The following FAM162A variants were observed in gnomAD, a reference collection of about 807,000 sequenced individuals.
The protein encoded by FAM162A is family with sequence similarity 162 member A.
Under a neutral mutation model 21.8 loss-of-function variants are expected in FAM162A, and 23 were observed. That is an observed-to-expected ratio of 1.05 (90% CI 0.76 to 1.49). The LOEUF (loss-of-function observed/expected upper bound fraction) is 1.49. FAM162A is among the 40% of genes most tolerant of loss of function. FAM162A has a pLI of 0.00. For missense variants in FAM162A, 165 were observed against 186.4 expected (o/e 0.89, Z 0.67); for synonymous variants, 53 against 61.3 (o/e 0.86, Z 0.64).
intron 1 of FAM162A, among the ~76,000 whole-genome samples, chr3:122,400,787 A>G (rs977737907): frequency 2.0e-5 from 3 of 152,052 alleles, no homozygotes; most frequent in Non-Finnish European, 4.4e-5. Flanking sequence ...AGATCGCGCC[A>G]CTGCACTCCA....
intron 1 of FAM162A, among the ~76,000 whole-genome samples, chr3:122,391,442 T>TA (rs945272123): frequency 6.6e-6 from 1 of 152,158 alleles, no homozygotes; most frequent in African/African-American, 2.4e-5. Context: ...ACCTCATCTT[T>TA]AAAAAAATAT....
intron 2 of FAM162A, 91 bp downstream of exon 2, chr3:122,402,973 C>T (rs2075659791): frequency 2.2e-6 from 3 of 1,365,220 alleles, no homozygotes; most frequent in Admixed American, 4.9e-5. Context: ...GAAGAGGTTC[C>T]TATATCATAC....
At chr3:122,398,231 G>A (rs2075638334) in intron 1 of FAM162A, among the ~76,000 whole-genome samples, 1 of 152,068 alleles carries the variant, frequency 6.6e-6, no homozygotes, top group Admixed American at 6.6e-5. Context: ...AATGTGAAGG[G>A]GGAGAATACC....
intron 1 of FAM162A, among the ~76,000 whole-genome samples, chr3:122,393,843 G>A (rs1478327388): frequency 1.3e-5 from 2 of 152,190 alleles, no homozygotes; most frequent in Non-Finnish European, 2.9e-5. Flanking sequence ...AACCTGAGAG[G>A]TCTCTAAGCT....
intron 1 of FAM162A, among the ~76,000 whole-genome samples, chr3:122,386,883 A>G (rs996011573): frequency 6.6e-6 from 1 of 152,202 alleles, no homozygotes; most frequent in African/African-American, 2.4e-5. Context: ...TTATGATTGT[A>G]TACCATTTTT....
Position 122,407,318 on chromosome 3 carries a change from G to C in FAM162A, c.301G>C (p.Val101Leu), listed in dbSNP as rs768647728. ...MLDAAKNKMRVKISYLMIALT... is the reference protein window; with the variant it reads ...MLDAAKNKMRLKISYLMIALT... ...TGATGCTGCAAAGAACAAGATGCGA[G>C]TGAAGATCAGCTATCTAATGATTGC... The change falls in exon 4 of 5, where the codon GTG becomes CTG. Residue 101 changes from valine to leucine, a missense_variant. Val to Leu is a conservative substitution (Grantham distance 32). Transcript: ENST00000477892. 6.2e-7 allele frequency: 1 copy of C among 1,614,110 alleles called. No individual in the cohort carries two copies. The highest frequency in any genetic ancestry group is 8.5e-7 in the Non-Finnish European group (1 of 1,179,992).
chr3:122,403,272 C>G (rs2075661094), intron 2 of FAM162A, among the ~76,000 whole-genome samples: 1 of 152,206 alleles, frequency 6.6e-6, no homozygotes, highest in African/African-American at 2.4e-5. Context: ...CAGCAGACCT[C>G]CCATGTTGTA....
At position 122,408,126 on chromosome 3, in the gene FAM162A, C is replaced by A. The variant is rs1288119761; in HGVS notation, c.372+737C>A. On this transcript the variant is annotated intron_variant, in intron 4 of 4. Coordinates refer to ENST00000477892, the MANE Select transcript of FAM162A (RefSeq NM_014367.4). ...CCCAATTCAGGTAATAGGAAAATTC[C>A]TCCCATTTATTGAGTGCTTATTATG... Among the ~76,000 whole-genome samples the A allele has an allele frequency of 2.0e-5, 3 of 152,116 alleles. No individual in the cohort carries two copies. In the South Asian group the frequency reaches 6.2e-4, roughly 31 times the overall value.
At chr3:122,409,550 G>A (rs573547673) in intron 4 of FAM162A, among the ~76,000 whole-genome samples, 189 bp from the exon 5 acceptor site, 20 of 152,122 alleles carry the variant, frequency 1.3e-4, no homozygotes, top group Non-Finnish European at 2.9e-4. Context: ...TGCTTGAGTG[G>A]ATGAGCTGCT....
Position 122,410,860 on chromosome 3 carries a change from CCTCT to C in FAM162A, c.*1034_*1037del, listed in dbSNP as rs925367691. 1 of 152,228 alleles carries C rather than the reference CCTCT, an allele frequency of 6.6e-6. No individual in the cohort carries two copies. The highest frequency in any genetic ancestry group is 2.1e-4 in the South Asian group (1 of 4,830). The allele number at this position is 152,228 out of a possible 1,614,324, so 9.4% of individuals were successfully genotyped here. A position where few individuals can be genotyped will look rare whatever the true frequency, so the allele number is the denominator to read the frequency against. ...CCATCCACCTGGGATGTGAATCATC[CCTCT>C]CTCTGGTGTATTCACACTGTATGTG... is the stretch of plus-strand genomic sequence containing the variant. On this transcript the variant is annotated 3_prime_UTR_variant, in exon 5 of 5. Coordinates refer to ENST00000477892, the MANE Select transcript of FAM162A (RefSeq NM_014367.4).
At chr3:122,398,232 G>A (rs1027438685) in intron 1 of FAM162A, among the ~76,000 whole-genome samples, 3 of 152,032 alleles carry the variant, frequency 2.0e-5, no homozygotes, top group African/African-American at 7.3e-5. Flanking sequence ...ATGTGAAGGG[G>A]GAGAATACCA....
intron 4 of FAM162A, among the ~76,000 whole-genome samples, chr3:122,408,471 T>G (rs2075687059): frequency 6.6e-6 from 1 of 152,232 alleles, no homozygotes; most frequent in Admixed American, 6.5e-5. Context: ...TTATCCTCAG[T>G]AATTCCAGAG....
rs1427152187 is a variant in FAM162A, at chr3:122,410,164, T to C, written c.*333T>C. The C allele has an allele frequency of 1.4e-5, 5 of 357,796 alleles. No individual in the cohort carries two copies. Among genetic ancestry groups the C allele is most frequent in the African/African-American group, 2.2e-5 (1 of 45,836 alleles). 22.2% of individuals were successfully genotyped at this position (357,796 alleles called of 1,614,324 possible). A position where few individuals can be genotyped will look rare whatever the true frequency, so the allele number is the denominator to read the frequency against. On this transcript the variant is annotated 3_prime_UTR_variant, in exon 5 of 5. Coordinates refer to ENST00000477892, the MANE Select transcript of FAM162A (RefSeq NM_014367.4). ...AGTAACCTCTCCACAGGCGAACTCA[T>C]TTTGAGGAGATAAGGAAGGCCAGTT...
At chr3:122,407,413 C>T in intron 4 of FAM162A, 24 bp downstream of exon 4, 1 of 1,554,864 alleles carries the variant, frequency 6.4e-7, no homozygotes. Context: ...TCTTCTCTAT[C>T]CAGTATGTAT....
At chr3:122,393,057 A>G (rs2107696609) in intron 1 of FAM162A, among the ~76,000 whole-genome samples, 1 of 152,364 alleles carries the variant, frequency 6.6e-6, no homozygotes, top group South Asian at 2.1e-4. Context: ...AGCTAAAAGC[A>G]GTTAATTTAT....
At chr3:122,384,692 C>T (rs547941847) in intron 1 of FAM162A, among the ~76,000 whole-genome samples, 3 of 152,268 alleles carry the variant, frequency 2.0e-5, no homozygotes, top group Admixed American at 6.5e-5. Flanking sequence ...TTGAGTCTTC[C>T]CTCTTCCCCC....
intron 1 of FAM162A, among the ~76,000 whole-genome samples, chr3:122,396,090 C>A (rs1466245835): frequency 6.6e-6 from 1 of 152,034 alleles, no homozygotes; most frequent in African/African-American, 2.4e-5. Flanking sequence ...CTATAAAATT[C>A]TTAGAATATA....
chr3:122,389,389 A>G (rs111854688), intron 1 of FAM162A, among the ~76,000 whole-genome samples: 2,071 of 46,308 alleles, frequency 0.045, 34 homozygotes, highest in African/African-American at 0.13. Flanking sequence ...ATGGATAGAT[A>G]GATAGATAGA....
At chr3:122,401,859 G>C (rs1247002292) in intron 1 of FAM162A, among the ~76,000 whole-genome samples, 1 of 152,134 alleles carries the variant, frequency 6.6e-6, no homozygotes, top group Non-Finnish European at 1.5e-5. Context: ...TATAGAGCTG[G>C]ATATAGACCT....
Sources: gnomAD v4.1 joint callset for allele counts (sites outside exome capture counted in the v4.1 genomes callset) on GRCh38, gnomAD v4.1.1 for gene constraint, MANE v1.5 for transcripts, NCBI Gene and HGNC (gene_info 2026-07-23, HGNC 2026-07-21) for gene names.